Variants in MGAM observed in about 807,000 individuals in gnomAD.
The protein encoded by MGAM is maltase-glucoamylase, also known as alpha-1,4-glucosidase.
A neutral mutation model predicts 358.8 loss-of-function variants in MGAM; 253 were observed. That is an observed-to-expected ratio of 0.71 (90% CI 0.64 to 0.78). The LOEUF (loss-of-function observed/expected upper bound fraction) is 0.78, where lower values mean the gene tolerates loss of function less well. MGAM is among the 30% of genes least tolerant of loss of function. The pLI, the probability that MGAM is intolerant of heterozygous loss-of-function variation, is 0.00. For missense variants in MGAM, 3,080 were observed against 3,432.6 expected, an observed-to-expected ratio of 0.90 and a Z score of 2.57; for synonymous variants, 1,105 against 1,227.1, an observed-to-expected ratio of 0.90 and a Z score of 2.08.
intron 31 of MGAM, 128 bp from the exon 32 acceptor site, chr7:142,059,343 CA>C (rs1811865594): frequency 7.0e-7 from 1 of 1,424,002 alleles, no homozygotes; most frequent in Admixed American, 2.5e-5. Context: ...TAACAAATGG[CA>C]GAGCTGGGAT....
intron 57 of MGAM, among the ~76,000 whole-genome samples, chr7:142,087,932 C>T (rs1814906965): frequency 6.8e-6 from 1 of 146,204 alleles, no homozygotes. Flanking sequence ...GCAGGAGAAA[C>T]ATTGATCACC....
At chr7:141,999,940 T>C (rs1449711456) in intron 1 of MGAM, among the ~76,000 whole-genome samples, 1 of 152,154 alleles carries the variant, frequency 6.6e-6, no homozygotes, top group Non-Finnish European at 1.5e-5. Context: ...TTCTCTTGTA[T>C]AGCTAGAAAA....
In MGAM at chr7:142,021,021, A is replaced by G. The variant is rs782250332; in HGVS notation, c.496A>G (p.Ser166Gly). 24 of 1,613,622 alleles carry G rather than the reference A, an allele frequency of 1.5e-5. No homozygotes were observed. The highest frequency in any genetic ancestry group is 1.9e-5 in the Non-Finnish European group (23 of 1,179,766). Reference sequence around the variant, plus strand: ...TCTGCCTTCTTCACCAGTGTTTGGAAGCAATGTTGACAATGTTCTTCTCAC... The same window carrying G: ...TCTGCCTTCTTCACCAGTGTTTGGAGGCAATGTTGACAATGTTCTTCTCAC... ...KNLPSSPVFG[S>G]NVDNVLLTAE... is the part of the protein sequence containing the mutation. Residue 166 changes from serine (S) to glycine (G), a missense_variant, in exon 5 of 71, where the codon AGC (serine) becomes GGC (glycine). By Grantham distance (56) the Ser-to-Gly change is moderately conservative (BLOSUM62 0). This residue lies in a region of MGAM where 1,816 missense variants were observed against 1,840.5 expected (regional missense o/e 0.99). Coordinates refer to ENST00000475668, the MANE Select transcript of MGAM (RefSeq NM_001365693.1).
chr7:142,059,427 G>A (rs776021114), intron 31 of MGAM, 45 bp from the exon 32 acceptor site: 1 of 1,593,066 alleles, frequency 6.3e-7, no homozygotes, highest in South Asian at 1.1e-5. Context: ...ATAAAGCTTG[G>A]GCGTGTACAG....
intron 3 of MGAM, among the ~76,000 whole-genome samples, chr7:142,009,895 A>G (rs1248608399): frequency 6.6e-6 from 1 of 152,158 alleles, no homozygotes; most frequent in Non-Finnish European, 1.5e-5. Context: ...TGGTGTTCAC[A>G]TTAAAGGGAA....
intron 30 of MGAM, among the ~76,000 whole-genome samples, chr7:142,057,433 TATG>T (rs199843718): frequency 0.019 from 2,752 of 144,956 alleles, 86 homozygotes; most frequent in African/African-American, 0.065. Context: ...TGGTGTTGGT[TATG>T]GTGGTGGTGG....
intron 23 of MGAM, 100 bp from the exon 24 acceptor site, chr7:142,050,597 C>A: frequency 1.6e-6 from 2 of 1,215,800 alleles, no homozygotes; most frequent in Non-Finnish European, 2.4e-6. Context: ...GCATTTATGG[C>A]AGTGGGGGGT....
intron 70 of MGAM, among the ~76,000 whole-genome samples, chr7:142,105,053 C>G (rs1279348511): frequency 2.0e-5 from 3 of 152,022 alleles, no homozygotes; most frequent in Non-Finnish European, 4.4e-5. Flanking sequence ...CTGACCAGCT[C>G]AGGGACAGAC....
chr7:142,099,082 G>C (rs938205256), intron 66 of MGAM, among the ~76,000 whole-genome samples: 1 of 152,194 alleles, frequency 6.6e-6, no homozygotes, highest in African/African-American at 2.4e-5. Flanking sequence ...CTGTAAAGTA[G>C]CAGCTCTGAA....
chr7:142,102,384 A>T (rs1415555128), intron 68 of MGAM, among the ~76,000 whole-genome samples: 3 of 152,212 alleles, frequency 2.0e-5, no homozygotes, highest in African/African-American at 7.2e-5. Flanking sequence ...TGTCAGACAG[A>T]TGTGTCTATA....
At chr7:142,016,460 G>T (rs1805984406) in intron 3 of MGAM, among the ~76,000 whole-genome samples, 1 of 151,986 alleles carries the variant, frequency 6.6e-6, no homozygotes, top group African/African-American at 2.4e-5. Context: ...TATATTTTGA[G>T]TCTTTATTAT....
intron 3 of MGAM, among the ~76,000 whole-genome samples, chr7:142,015,226 ATCT>A (rs1315282720): frequency 6.6e-6 from 1 of 152,056 alleles, no homozygotes; most frequent in African/African-American, 2.4e-5. Flanking sequence ...TGAGATGTTT[ATCT>A]TCTTGATGTG....
rs11977977 is a variant in MGAM, at chr7:142,075,767, A to C, written c.5276-436A>C. On this transcript the variant is annotated intron_variant, in intron 45 of 70. Transcript: ENST00000475668. ...CCTCACACCTGTTAGCATGGAAATC[A>C]TAAAAAAGAAAGGAGAGAAGTGCTG... Among the ~76,000 whole-genome samples the C allele has an allele frequency of 6.1e-4, 89 of 146,340 alleles. 2 individuals carry two copies. The highest frequency in any genetic ancestry group is 2.1e-3 in the African/African-American group (88 of 41,246).
In MGAM at chr7:142,034,597, A is replaced by G. The variant is rs953649190; in HGVS notation, c.1788-73A>G. 1.8e-5 allele frequency: 25 copies of G among 1,373,852 alleles called. No homozygotes were observed. The African/African-American group carries it at 3.2e-4, about 17-fold the overall frequency. The allele number at this position is 1,373,852 out of a possible 1,614,324, so 85.1% of individuals were successfully genotyped here. On this transcript the variant is annotated intron_variant, in intron 15 of 70. Transcript: ENST00000475668. ...GTTATTCACTTTTAATGTCTTTTGTATTGTTGCTGTATCCCCTTGGCTGAG... is the reference window on the plus strand; with the variant it reads ...GTTATTCACTTTTAATGTCTTTTGTGTTGTTGCTGTATCCCCTTGGCTGAG...
At chr7:142,036,022 A>G (rs782700343) in intron 16 of MGAM, 147 bp from the exon 17 acceptor site, 1 of 607,766 alleles carries the variant, frequency 1.6e-6, no homozygotes. Flanking sequence ...TCAAGAGTGG[A>G]CACAGGCTAT....
chr7:142,094,244 C>A, intron 60 of MGAM, 120 bp from the exon 61 acceptor site: 1 of 1,218,380 alleles, frequency 8.2e-7, no homozygotes, highest in Non-Finnish European at 1.1e-6. Flanking sequence ...CTCAGAGTCC[C>A]GTGTTCCCTC....
At chr7:142,019,690 C>A (rs925155285) in intron 4 of MGAM, among the ~76,000 whole-genome samples, 1 of 152,146 alleles carries the variant, frequency 6.6e-6, no homozygotes, top group Non-Finnish European at 1.5e-5. Context: ...GAAGTAATTC[C>A]AATTTTATAA....
Position 142,008,620 on chromosome 7 carries a change from C to T in MGAM, c.242C>T (p.Thr81Ile). The change falls in exon 3 of 71, where the codon ACT (threonine) becomes ATT (isoleucine). Residue 81 changes from threonine to isoleucine, a missense_variant. This residue lies in a region of MGAM where 1,816 missense variants were observed against 1,840.5 expected (regional missense o/e 0.99). Coordinates refer to ENST00000475668, the MANE Select transcript of MGAM (RefSeq NM_001365693.1). ...ACGGGTCCCCCAGATCCTGGAACAA[C>T]TGGTACCACTCCTGTTTCTGCTGAA... ...RTTGPPDPGT[T>I]GTTPVSAECP... 1.2e-6 allele frequency: 2 copies of T among 1,613,552 alleles called. No homozygotes were observed. Among genetic ancestry groups the T allele is most frequent in the Non-Finnish European group, 8.5e-7 (1 of 1,179,668 alleles).
At chr7:142,093,388 A>G in intron 59 of MGAM, 24 bp from the exon 60 acceptor site, 1 of 1,524,914 alleles carries the variant, frequency 6.6e-7, no homozygotes, top group Non-Finnish European at 9.0e-7. Context: ...GCTGGATTTC[A>G]CCTCACCAGT....
Sources: allele counts gnomAD v4.1 joint callset (sites outside exome capture counted in the v4.1 genomes callset), GRCh38; gene constraint gnomAD v4.1.1; regional missense constraint gnomAD v4.1.1; transcripts MANE v1.5; gene names NCBI Gene and HGNC (gene_info 2026-07-23, HGNC 2026-07-21).